Variants in DLGAP2 observed in about 807,000 individuals in gnomAD.
The protein encoded by DLGAP2 is disks large-associated protein 2.
Under a neutral mutation model 100.3 loss-of-function variants are expected in DLGAP2, and 26 were observed. The observed-to-expected ratio is 0.26, with a 90% CI of 0.19 to 0.36. DLGAP2 has a LOEUF of 0.36. Ranked by LOEUF, DLGAP2 falls within the 10% of genes least tolerant of loss-of-function variation. The pLI is 1.00. For missense variants in DLGAP2, 1,858 were observed against 1,453.2 expected (o/e 1.28, Z -4.53); for synonymous variants, 886 against 630.1 (o/e 1.41, Z -6.08).
At chr8:1,523,908 G>C (rs1800701122) in intron 4 of DLGAP2, among the ~76,000 whole-genome samples, 1 of 152,168 alleles carries the variant, frequency 6.6e-6, no homozygotes, top group African/African-American at 2.4e-5. Flanking sequence ...GAAAAGTTCA[G>C]GGCCTGAGAT....
intron 3 of DLGAP2, among the ~76,000 whole-genome samples, chr8:1,382,727 G>T (rs1158312820): frequency 6.6e-6 from 1 of 152,194 alleles, no homozygotes. Context: ...GGGCAACCCA[G>T]TGAGACCCTG....
chr8:897,426 T>A (rs758748801), intron 1 of DLGAP2, among the ~76,000 whole-genome samples: 2 of 152,224 alleles, frequency 1.3e-5, no homozygotes, highest in Non-Finnish European at 2.9e-5. Context: ...AATTTCACGG[T>A]CATTTTACAT....
chr8:1,605,801 C>G (rs1796778643), intron 6 of DLGAP2, among the ~76,000 whole-genome samples: 2 of 152,204 alleles, frequency 1.3e-5, no homozygotes, highest in South Asian at 4.2e-4. Context: ...CCGTGTTTGT[C>G]TGAATTATTA....
At chr8:1,614,407 G>T (rs1797081851) in intron 6 of DLGAP2, among the ~76,000 whole-genome samples, 1 of 152,242 alleles carries the variant, frequency 6.6e-6, no homozygotes, top group South Asian at 2.1e-4. Context: ...CCACAGGCAG[G>T]ACAAGGGGTG....
At chr8:1,621,879 C>T (rs548051752) in intron 6 of DLGAP2, 1 of 152,236 alleles carries the variant, frequency 6.6e-6, no homozygotes, top group East Asian at 1.9e-4. Flanking sequence ...GATGTGGGTG[C>T]CAACAGTGAG....
chr8:865,773 T>C (rs934527561), intron 1 of DLGAP2, among the ~76,000 whole-genome samples: 6 of 152,332 alleles, frequency 3.9e-5, no homozygotes, highest in African/African-American at 4.8e-5. Flanking sequence ...CTGGCAGGGA[T>C]GGACCTTCGT....
rs1285480319 is a variant in DLGAP2 at position 1,216,049 on chromosome 8, A to C, written c.74-42802A>C. 2.0e-5 allele frequency among the ~76,000 whole-genome samples: 3 copies of C among 152,342 alleles called. No homozygotes were observed. In the East Asian group the frequency reaches 5.8e-4, roughly 29 times the overall value. On this transcript the variant is annotated intron_variant, in intron 2 of 14. Coordinates refer to ENST00000637795, the MANE Select transcript of DLGAP2 (RefSeq NM_001346810.2). Reference sequence around the variant, plus strand: ...GTGCTTGGGAGGAGCTTTCTGGTGCATCTGTGCATTGGTTGGCTCCAAGTT... The same window carrying C: ...GTGCTTGGGAGGAGCTTTCTGGTGCCTCTGTGCATTGGTTGGCTCCAAGTT...
chr8:1,298,653 G>C (rs974031600), intron 3 of DLGAP2, among the ~76,000 whole-genome samples: 1 of 152,152 alleles, frequency 6.6e-6, no homozygotes, highest in African/African-American at 2.4e-5. Flanking sequence ...GGACGGCTCA[G>C]CAGGCACCTC....
At chr8:1,437,635 C>T (rs1043033007) in intron 3 of DLGAP2, among the ~76,000 whole-genome samples, 6 of 151,866 alleles carry the variant, frequency 4.0e-5, no homozygotes, top group Admixed American at 6.6e-5. Context: ...ATTTCCCCTC[C>T]ATCAGCTTTT....
intron 2 of DLGAP2, among the ~76,000 whole-genome samples, chr8:977,136 A>C (rs565507171): frequency 7.9e-5 from 12 of 152,214 alleles, no homozygotes; most frequent in African/African-American, 2.6e-4. Flanking sequence ...GCATTTCTTC[A>C]CCTCTCTCAC....
chr8:787,232 C>A (rs750578030), intron 1 of DLGAP2, among the ~76,000 whole-genome samples: 7 of 152,152 alleles, frequency 4.6e-5, no homozygotes, highest in Non-Finnish European at 8.8e-5. Context: ...CTGTCTCAAT[C>A]GCTCGTGTTC....
At chr8:1,159,095 G>C (rs1054532391) in intron 2 of DLGAP2, among the ~76,000 whole-genome samples, 1 of 152,216 alleles carries the variant, frequency 6.6e-6, no homozygotes, top group Non-Finnish European at 1.5e-5. Flanking sequence ...GAGGAGGGAA[G>C]AACGTAGACC....
intron 2 of DLGAP2, among the ~76,000 whole-genome samples, chr8:1,118,751 C>T (rs565411155): frequency 4.6e-5 from 7 of 152,106 alleles, no homozygotes; most frequent in African/African-American, 1.7e-4. Flanking sequence ...GTGGTGGGAC[C>T]GTTTTTGAAT....
At chr8:1,457,975 C>CATATATATATATATATAT (rs57897392) in intron 3 of DLGAP2, among the ~76,000 whole-genome samples, 7 of 107,766 alleles carry the variant, frequency 6.5e-5, no homozygotes, top group South Asian at 3.1e-4. Flanking sequence ...GTTCTCTGAT[C>CATATATATATATATATAT]ATATATATAT....
chr8:1,042,108 A>T (rs2129030754), intron 2 of DLGAP2, among the ~76,000 whole-genome samples: 1 of 152,298 alleles, frequency 6.6e-6, no homozygotes, highest in African/African-American at 2.4e-5. Flanking sequence ...ACAGACAGGC[A>T]GGAGAGCCCC....
At chr8:1,161,255 C>T (rs1009176390) in intron 2 of DLGAP2, among the ~76,000 whole-genome samples, 12 of 152,238 alleles carry the variant, frequency 7.9e-5, no homozygotes, top group African/African-American at 2.4e-4. Flanking sequence ...GTTTTAAATA[C>T]ACAAGCTGAC....
chr8:1,653,554 A>C (rs1254982675), intron 8 of DLGAP2, among the ~76,000 whole-genome samples: 1 of 152,218 alleles, frequency 6.6e-6, no homozygotes, highest in Non-Finnish European at 1.5e-5. Context: ...AGGAGCCCTG[A>C]TTTATTGGCA....
At chr8:926,053 C>T (rs1258471657) in intron 2 of DLGAP2, among the ~76,000 whole-genome samples, 17 of 152,168 alleles carry the variant, frequency 1.1e-4, no homozygotes, top group Admixed American at 1.0e-3. Context: ...CTTAGCCATG[C>T]TGTCAATTTT....
chr8:1,078,730 G>A (rs1358704517), intron 2 of DLGAP2, among the ~76,000 whole-genome samples: 1 of 152,026 alleles, frequency 6.6e-6, no homozygotes, highest in Non-Finnish European at 1.5e-5. Flanking sequence ...TCTTTTTGTG[G>A]CATTATAACT....
Sources: allele counts gnomAD v4.1 joint callset (sites outside exome capture counted in the v4.1 genomes callset), GRCh38; gene constraint gnomAD v4.1.1; transcripts MANE v1.5; gene names NCBI Gene and HGNC (gene_info 2026-07-23, HGNC 2026-07-21).